Variants in TANGO2 observed in about 807,000 individuals in gnomAD.
TANGO2 encodes the protein transport and golgi organization 2 homolog, also known as transport and Golgi organization protein 2 homolog.
In TANGO2, 26 loss-of-function variants were observed where a neutral mutation model predicts 39.1. That is an observed-to-expected ratio of 0.67 (90% CI 0.49 to 0.92). The LOEUF (loss-of-function observed/expected upper bound fraction) is 0.92. Among genes scored for constraint, TANGO2 ranks in the 40% least tolerant of loss-of-function variants. The probability of loss-of-function intolerance (pLI) is 0.00; values close to 1 mark genes in which losing one functional copy is unlikely to be tolerated. For synonymous variants in TANGO2, 131 were observed against 144.5 expected (o/e 0.91, Z 0.67); for missense variants, 326 against 360.1 (o/e 0.91, Z 0.77).
intron 3 of TANGO2, among the ~76,000 whole-genome samples, chr22:20,048,535 G>A (rs1015579919): frequency 5.9e-5 from 9 of 151,998 alleles, no homozygotes; most frequent in Non-Finnish European, 7.4e-5. Context: ...TGGGCAATTT[G>A]GAAGTTTTGT....
intron 3 of TANGO2, among the ~76,000 whole-genome samples, chr22:20,050,748 G>A (rs1283474158): frequency 6.7e-6 from 1 of 150,344 alleles, no homozygotes; most frequent in Non-Finnish European, 1.5e-5. Context: ...GTTCTTGCTA[G>A]CATTTACTTA....
chr22:20,060,449 G>T (rs917885117), intron 6 of TANGO2, among the ~76,000 whole-genome samples: 3 of 151,938 alleles, frequency 2.0e-5, no homozygotes, highest in Non-Finnish European at 2.9e-5. Context: ...TAGAGATAAG[G>T]CCTCACTATT....
intron 6 of TANGO2, chr22:20,056,247 T>G (rs2047317009): frequency 4.4e-6 from 3 of 682,880 alleles, no homozygotes; most frequent in Non-Finnish European, 8.1e-6. Flanking sequence ...GGTGCGCCCC[T>G]GTTCTGGGCT....
chr22:20,046,010 C>T (rs926948411), intron 3 of TANGO2, among the ~76,000 whole-genome samples: 1 of 152,084 alleles, frequency 6.6e-6, no homozygotes, highest in Admixed American at 6.6e-5. Context: ...ACTGGTGGTT[C>T]TTGCCCCAGT....
chr22:20,022,244 G>A (rs2039853005), intron 1 of TANGO2, among the ~76,000 whole-genome samples: 1 of 152,250 alleles, frequency 6.6e-6, no homozygotes, highest in African/African-American at 2.4e-5. Flanking sequence ...GCCAGGGCCT[G>A]CTCCCAGTGC....
In TANGO2 at chr22:20,066,877, G is replaced by C. The variant is rs753488221; in HGVS notation, c.*2215G>C. ...GAAGAGCAGTCTCTGCTCTTGTGTGGGTCCCTCTGCCCCCACCCTGCCCAG... is the reference window on the plus strand; with the variant it reads ...GAAGAGCAGTCTCTGCTCTTGTGTGCGTCCCTCTGCCCCCACCCTGCCCAG... On this transcript the variant is annotated 3_prime_UTR_variant, in exon 9 of 9. Coordinates refer to ENST00000327374, the MANE Select transcript of TANGO2 (RefSeq NM_152906.7). 2 of 152,262 alleles carry C rather than the reference G, an allele frequency of 1.3e-5. No homozygotes were observed. Among genetic ancestry groups the C allele is most frequent in the Non-Finnish European group, 2.9e-5 (2 of 68,192 alleles). 9.4% of individuals were successfully genotyped at this position (152,262 alleles called of 1,614,324 possible). A position where few individuals can be genotyped will look rare whatever the true frequency, so the allele number is the denominator to read the frequency against.
chr22:20,049,925 G>T (rs2045971058), intron 3 of TANGO2, among the ~76,000 whole-genome samples: 1 of 151,970 alleles, frequency 6.6e-6, no homozygotes, highest in South Asian at 2.1e-4. Flanking sequence ...AAACACTGTT[G>T]AGGCTGGGCA....
At chr22:20,026,866 G>C (rs2040865316) in intron 1 of TANGO2, among the ~76,000 whole-genome samples, 1 of 152,208 alleles carries the variant, frequency 6.6e-6, no homozygotes, top group African/African-American at 2.4e-5. Context: ...GGCCAAGTCT[G>C]TTTATCTGAA....
chr22:20,045,190 C>A (rs780760528), intron 3 of TANGO2, among the ~76,000 whole-genome samples: 38 of 151,302 alleles, frequency 2.5e-4, no homozygotes, highest in Non-Finnish European at 4.1e-4. Flanking sequence ...AATCTCAGCA[C>A]TTTGGGAGTC....
chr22:20,051,020 C>A (rs998075587), intron 3 of TANGO2, among the ~76,000 whole-genome samples: 6 of 150,868 alleles, frequency 4.0e-5, no homozygotes, highest in African/African-American at 1.5e-4. Context: ...CACCACCACG[C>A]CTGGCTAATT....
At chr22:20,022,422 C>T (rs1181651128) in intron 1 of TANGO2, among the ~76,000 whole-genome samples, 1 of 152,096 alleles carries the variant, frequency 6.6e-6, no homozygotes, top group Non-Finnish European at 1.5e-5. Flanking sequence ...GGGTAGGGTG[C>T]CCTGGTGCCC....
Position 20,037,784 on chromosome 22 carries a change from G to A in TANGO2, c.56+930G>A, listed in dbSNP as rs5993901. Among the ~76,000 whole-genome samples, 594 of 152,294 alleles carry A rather than the reference G, an allele frequency of 3.9e-3. 6 individuals carry two copies. The highest frequency in any genetic ancestry group is 0.014 in the African/African-American group (567 of 41,552). On this transcript the variant is annotated intron_variant, in intron 2 of 8. Coordinates refer to ENST00000327374, the MANE Select transcript of TANGO2 (RefSeq NM_152906.7). The stretch of plus-strand genomic sequence containing the variant: ...CTGGAGTAGTGTTGGGCTGGCTAGT[G>A]AGTGAACAGAACTCTAAAGAATGTA...
chr22:20,059,806 C>G (rs1000039476), intron 6 of TANGO2, among the ~76,000 whole-genome samples: 1 of 152,136 alleles, frequency 6.6e-6, no homozygotes, highest in African/African-American at 2.4e-5. Context: ...CTATGTCTCT[C>G]TCTTTTTTTT....
At chr22:20,038,744 G>C (rs1440450384) in intron 2 of TANGO2, among the ~76,000 whole-genome samples, 1 of 152,068 alleles carries the variant, frequency 6.6e-6, no homozygotes, top group African/African-American at 2.4e-5. Flanking sequence ...CTTCTGCTCT[G>C]CCTGTGGGGT....
intron 3 of TANGO2, among the ~76,000 whole-genome samples, chr22:20,044,751 T>C (rs917322411): frequency 6.6e-6 from 1 of 152,010 alleles, no homozygotes; most frequent in South Asian, 2.1e-4. Context: ...GACGGGTGGG[T>C]GAAGGCACAA....
chr22:20,019,245 G>A (rs1412254441), upstream of TANGO2: 2 of 152,230 alleles, frequency 1.3e-5, no homozygotes, highest in African/African-American at 2.4e-5. Context: ...TCAGCTGGGT[G>A]TCAAGAACTT....
At chr22:20,034,396 C>T (rs2042453966) in intron 1 of TANGO2, among the ~76,000 whole-genome samples, 1 of 152,204 alleles carries the variant, frequency 6.6e-6, no homozygotes, top group Non-Finnish European at 1.5e-5. Flanking sequence ...GTGGTTCTTT[C>T]TGACTATGTA....
At chr22:20,053,773 G>A in intron 5 of TANGO2, 1 of 583,986 alleles carries the variant, frequency 1.7e-6, no homozygotes, top group Non-Finnish European at 3.2e-6. Context: ...CATGAGGGCT[G>A]CCGGATCCCT....
At chr22:20,056,084 G>C in intron 6 of TANGO2, 71 bp downstream of exon 6, 1 of 1,242,886 alleles carries the variant, frequency 8.0e-7, no homozygotes, top group East Asian at 2.3e-5. Context: ...GTGCTTTTTA[G>C]AGACCAGGCA....
Sources: gnomAD v4.1 joint callset for allele counts (sites outside exome capture counted in the v4.1 genomes callset) on GRCh38, gnomAD v4.1.1 for gene constraint, MANE v1.5 for transcripts, NCBI Gene and HGNC (gene_info 2026-07-23, HGNC 2026-07-21) for gene names.